The following LIPA variants were observed in gnomAD, a reference collection of about 807,000 sequenced individuals.
LIPA encodes the protein lipase A, lysosomal acid type.
Under a neutral mutation model 40.6 loss-of-function variants are expected in LIPA, and 26 were observed. That is an observed-to-expected ratio of 0.64 (90% confidence interval 0.47 to 0.89). LIPA has a LOEUF of 0.89. LIPA is among the 40% of genes least tolerant of loss of function. The probability of loss-of-function intolerance (pLI) is 0.00; values close to 1 mark genes in which losing one functional copy is unlikely to be tolerated. For missense variants in LIPA, 455 were observed against 479.6 expected (o/e 0.95, Z 0.48); for synonymous variants, 188 against 168.4 (o/e 1.12, Z -0.90).
At chr10:89,388,170 ATC>A (rs1844222685) in intron 2 of LIPA, among the ~76,000 whole-genome samples, 1 of 152,034 alleles carries the variant, frequency 6.6e-6, no homozygotes, top group African/African-American at 2.4e-5. Context: ...CAGTGGCATG[ATC>A]TCAGCTCACT....
At chr10:89,230,771 A>T (rs1464065662) in intron 3 of LIPA, among the ~76,000 whole-genome samples, 9 of 152,238 alleles carry the variant, frequency 5.9e-5, no homozygotes, top group Non-Finnish European at 1.0e-4. Flanking sequence ...GAGATATTAT[A>T]TGAAAAGTAG....
intron 2 of LIPA, among the ~76,000 whole-genome samples, chr10:89,358,701 C>T (rs1399988282): frequency 6.6e-6 from 1 of 152,122 alleles, no homozygotes; most frequent in Non-Finnish European, 1.5e-5. Flanking sequence ...CATTCTCAAT[C>T]ATATGCGGGA....
At chr10:89,412,862 T>C in exon 2 of LIPA, 2 of 327,886 alleles carry the variant, frequency 6.1e-6, no homozygotes, top group South Asian at 4.6e-5. Context: ...CTTTAACAAC[T>C]GTAGCACTCA....
intron 2 of LIPA, among the ~76,000 whole-genome samples, chr10:89,363,646 A>G (rs1271010361): frequency 6.6e-6 from 1 of 151,926 alleles, no homozygotes; most frequent in African/African-American, 2.4e-5. Context: ...GTGTGGTGGC[A>G]GGCACCTGTT....
intron 2 of LIPA, among the ~76,000 whole-genome samples, chr10:89,408,422 A>G (rs1222838876): frequency 6.6e-6 from 1 of 152,218 alleles, no homozygotes; most frequent in Non-Finnish European, 1.5e-5. Context: ...AGGACCTTTC[A>G]GCTTATCCCC....
rs1035147164 is a variant in LIPA, at chr10:89,326,371, G to T, written c.-2+16240C>A. On this transcript the variant is annotated intron_variant, in intron 1 of 5. Coordinates refer to the LIPA transcript ENST00000282673. ...TTTTACATATTCTCACTTGTTTGTG[G>T]AAGCTAAAAATATTAAGACAATTGA... Among the ~76,000 whole-genome samples the T allele has an allele frequency of 8.6e-5, 13 of 150,842 alleles. No individual in the cohort carries two copies. In the South Asian group the frequency reaches 2.7e-3, roughly 32 times the overall value.
chr10:89,305,372 T>C (rs73366672), intron 1 of LIPA, among the ~76,000 whole-genome samples: 5,342 of 152,052 alleles, frequency 0.035, 310 homozygotes, highest in African/African-American at 0.12. Flanking sequence ...ATGAAGGATA[T>C]ATTAAAAGCT....
chr10:89,356,901 A>G (rs931171569), intron 2 of LIPA, among the ~76,000 whole-genome samples: 3 of 152,134 alleles, frequency 2.0e-5, no homozygotes, highest in African/African-American at 7.2e-5. Context: ...TAAGATTTTG[A>G]TGACTGATTG....
chr10:89,359,844 A>C (rs74146913), intron 2 of LIPA, among the ~76,000 whole-genome samples: 2,340 of 111,224 alleles, frequency 0.021, 74 homozygotes, highest in African/African-American at 0.074. Context: ...CACACACACA[A>C]ACACACACAC....
At chr10:89,232,988 G>A (rs1180930695) in intron 3 of LIPA, among the ~76,000 whole-genome samples, 1 of 152,218 alleles carries the variant, frequency 6.6e-6, no homozygotes, top group Non-Finnish European at 1.5e-5. Flanking sequence ...AGGTGGCTGT[G>A]CAGCTTCTAA....
At chr10:89,354,483 GAC>G (rs137892517) in intron 2 of LIPA, among the ~76,000 whole-genome samples, 5,800 of 152,284 alleles carry the variant, frequency 0.038, 146 homozygotes, top group Non-Finnish European at 0.057. Context: ...TTCATTGACA[GAC>G]ACAAGACTAG....
intron 2 of LIPA, among the ~76,000 whole-genome samples, chr10:89,408,597 C>A (rs1283734605): frequency 6.6e-6 from 1 of 152,164 alleles, no homozygotes; most frequent in Non-Finnish European, 1.5e-5. Context: ...TTTGGCCCAA[C>A]CTGGGTACAT....
intron 3 of LIPA, among the ~76,000 whole-genome samples, chr10:89,244,332 C>T (rs907022501): frequency 6.6e-6 from 1 of 152,106 alleles, no homozygotes; most frequent in Non-Finnish European, 1.5e-5. Context: ...TTTAAGTTTG[C>T]TTTGAATAAC....
chr10:89,405,392 A>C (rs1354214589), intron 2 of LIPA: 2 of 152,264 alleles, frequency 1.3e-5, no homozygotes, highest in Admixed American at 6.5e-5. Flanking sequence ...GAAGGAAAAA[A>C]TAAATAAGCA....
chr10:89,247,404 A>T (rs1843040059), intron 2 of LIPA, 134 bp downstream of exon 2: 1 of 552,042 alleles, frequency 1.8e-6, no homozygotes, highest in Non-Finnish European at 3.2e-6. Context: ...AAAAAAAAAA[A>T]AAAAAAATTC....
chr10:89,294,262 T>C (rs1348930894), intron 1 of LIPA, among the ~76,000 whole-genome samples: 2 of 152,346 alleles, frequency 1.3e-5, no homozygotes, highest in Non-Finnish European at 2.9e-5. Flanking sequence ...AAAAATGTCT[T>C]AGTCCATTTT....
At chr10:89,231,879 C>T (rs146266088) in intron 3 of LIPA, among the ~76,000 whole-genome samples, 28 of 152,260 alleles carry the variant, frequency 1.8e-4, no homozygotes, top group Non-Finnish European at 2.1e-4. Flanking sequence ...ATTAGGGCTG[C>T]TTTATGTGCT....
At chr10:89,241,608 G>A (rs937586148) in intron 3 of LIPA, among the ~76,000 whole-genome samples, 3 of 152,108 alleles carry the variant, frequency 2.0e-5, no homozygotes, top group East Asian at 3.8e-4. Context: ...CACAAGCCAC[G>A]CTGTGAATTT....
chr10:89,299,719 A>T (rs926081320), intron 1 of LIPA, among the ~76,000 whole-genome samples: 46 of 152,104 alleles, frequency 3.0e-4, no homozygotes, highest in African/African-American at 1.0e-3. Context: ...TCACAATGAG[A>T]TATCATCTCA....
Sources: gnomAD v4.1 joint callset for allele counts (sites outside exome capture counted in the v4.1 genomes callset) on GRCh38, gnomAD v4.1.1 for gene constraint, MANE v1.5 for transcripts, NCBI Gene and HGNC (gene_info 2026-07-23, HGNC 2026-07-21) for gene names.